RSF1: variants seen among roughly 807,000 people sequenced by gnomAD.
RSF1 encodes the protein remodeling and spacing factor 1, also known as HBV pX-associated protein 8.
A neutral mutation model predicts 145.2 loss-of-function variants in RSF1; 13 were observed. The observed-to-expected ratio is 0.09, with a 90% confidence interval of 0.06 to 0.14. The LOEUF is 0.14. RSF1 is among the 10% of genes least tolerant of loss of function. The pLI is 1.00. For synonymous variants in RSF1, 577 were observed against 592.6 expected (o/e 0.97, Z 0.38); for missense variants, 1,517 against 1,718.2 (o/e 0.88, Z 2.07).
chr11:77,745,922 G>T (rs1434273352), intron 3 of RSF1, among the ~76,000 whole-genome samples: 4 of 151,736 alleles, frequency 2.6e-5, no homozygotes, highest in Admixed American at 6.6e-5. Context: ...AACACACCCT[G>T]AAAAGTTATA....
the RSF1 span, among the ~76,000 whole-genome samples, chr11:77,832,400 C>T: frequency 6.7e-6 from 1 of 149,156 alleles, no homozygotes; most frequent in African/African-American, 2.5e-5. Context: ...GATCTCGGCT[C>T]GCTGCAACCT....
chr11:77,802,444 G>A (rs1948635250), intron 1 of RSF1, among the ~76,000 whole-genome samples: 1 of 152,190 alleles, frequency 6.6e-6, no homozygotes, highest in Admixed American at 6.5e-5. Flanking sequence ...CAGAGAAATG[G>A]AAAATTGCTT....
intron 1 of RSF1, 38 bp downstream of exon 1, chr11:77,820,490 G>A (rs1274757926): frequency 6.5e-7 from 1 of 1,540,862 alleles, no homozygotes; most frequent in Admixed American, 2.0e-5. Flanking sequence ...CAGAGCGCCA[G>A]GGCCGCTTCC....
intron 1 of RSF1, among the ~76,000 whole-genome samples, chr11:77,775,697 G>A (rs1049956394): frequency 6.6e-6 from 1 of 152,200 alleles, no homozygotes; most frequent in Non-Finnish European, 1.5e-5. Context: ...TGCTTTGGGA[G>A]GCTGAGGAAG....
At chr11:77,699,823 T>C (rs568067259) in intron 6 of RSF1, among the ~76,000 whole-genome samples, 1 of 152,268 alleles carries the variant, frequency 6.6e-6, no homozygotes, top group African/African-American at 2.4e-5. Flanking sequence ...CCTGTAATAG[T>C]GAAAAATTGG....
chr11:77,795,936 T>G (rs1948567834), intron 1 of RSF1, among the ~76,000 whole-genome samples: 1 of 152,130 alleles, frequency 6.6e-6, no homozygotes, highest in Admixed American at 6.5e-5. Flanking sequence ...TTTCCTGGTT[T>G]AGAGGTGTAT....
intron 1 of RSF1, among the ~76,000 whole-genome samples, chr11:77,792,564 T>A (rs1480477369): frequency 6.6e-6 from 1 of 151,990 alleles, no homozygotes; most frequent in Non-Finnish European, 1.5e-5. Context: ...CAGGAACACT[T>A]CACCACAGCC....
At position 77,741,995 on chromosome 11, in the gene RSF1, C is replaced by T. The variant is rs144694930; in HGVS notation, c.373-1059G>A. ...TAACATAATGACCTCCAGGTTCAAC[C>T]GTGTTGTCACGAAAGCAGGAATTTC... On this transcript the variant is annotated intron_variant, in intron 3 of 15. Transcript: ENST00000308488. 2.8e-3 allele frequency among the ~76,000 whole-genome samples: 420 copies of T among 152,290 alleles called. 1 individual carries two copies. Among genetic ancestry groups the T allele is most frequent in the Non-Finnish European group, 4.5e-3 (303 of 68,030 alleles).
the RSF1 span, among the ~76,000 whole-genome samples, chr11:77,835,637 G>A: frequency 6.6e-6 from 1 of 152,158 alleles, no homozygotes; most frequent in African/African-American, 2.4e-5. Flanking sequence ...CTAAAGTTGG[G>A]GCCAGGCGTG....
intron 2 of RSF1, among the ~76,000 whole-genome samples, chr11:77,758,875 T>A (rs1204589302): frequency 2.0e-5 from 3 of 152,244 alleles, no homozygotes; most frequent in African/African-American, 7.2e-5. Context: ...ATTTGCAATA[T>A]AACTTCTTCC....
intron 1 of RSF1, among the ~76,000 whole-genome samples, chr11:77,783,616 C>T (rs991658211): frequency 1.3e-5 from 2 of 152,036 alleles, no homozygotes; most frequent in Non-Finnish European, 2.9e-5. Context: ...CTGAGGCGGG[C>T]GGATTGCTTG....
At chr11:77,731,086 G>C (rs1279660624) in intron 4 of RSF1, among the ~76,000 whole-genome samples, 2 of 152,174 alleles carry the variant, frequency 1.3e-5, no homozygotes, top group Non-Finnish European at 2.9e-5. Context: ...GGAAAGTTTG[G>C]AACTTCCTAG....
rs1289259538 is a variant in RSF1, at chr11:77,711,664, C to T, written c.734-9169G>A. 6.1e-5 allele frequency among the ~76,000 whole-genome samples: 9 copies of T among 147,932 alleles called. No individual in the cohort carries two copies. In the Middle Eastern group the frequency reaches 0.014, roughly 224 times the overall value. On this transcript the variant is annotated intron_variant, in intron 5 of 15. Transcript: ENST00000308488. Reference sequence around the variant, plus strand: ...CAGCCCGGCAAGAAGAGCGAAAGTCCGTCTCAAAAACAAACAAACAAACAA... The same window carrying T: ...CAGCCCGGCAAGAAGAGCGAAAGTCTGTCTCAAAAACAAACAAACAAACAA...
At chr11:77,686,884 T>C (rs1183137122) in intron 9 of RSF1, among the ~76,000 whole-genome samples, 2 of 152,130 alleles carry the variant, frequency 1.3e-5, no homozygotes, top group Non-Finnish European at 2.9e-5. Flanking sequence ...TGGCATAAAG[T>C]AGGTACCCAA....
At chr11:77,847,409 T>C in the RSF1 span, among the ~76,000 whole-genome samples, 120 of 152,312 alleles carry the variant, frequency 7.9e-4, no homozygotes, top group African/African-American at 2.7e-3. Flanking sequence ...AGGCCCCACA[T>C]AGAAAGAGAG....
At chr11:77,668,990 A>G (rs1959448611) in intron 15 of RSF1, among the ~76,000 whole-genome samples, 1 of 152,114 alleles carries the variant, frequency 6.6e-6, no homozygotes, top group Non-Finnish European at 1.5e-5. Context: ...CTAGGCTTGG[A>G]TATCTCTAAA....
chr11:77,756,129 G>A (rs770353889), intron 2 of RSF1, among the ~76,000 whole-genome samples: 1 of 151,970 alleles, frequency 6.6e-6, no homozygotes, highest in South Asian at 2.1e-4. Flanking sequence ...AGTGCAAGGC[G>A]GGCAGATCAC....
chr11:77,752,637 C>G (rs566375529), intron 2 of RSF1, among the ~76,000 whole-genome samples: 1 of 152,222 alleles, frequency 6.6e-6, no homozygotes, highest in African/African-American at 2.4e-5. Flanking sequence ...GTATCTGAGT[C>G]CTTGATGTCC....
At chr11:77,713,678 T>TTA (rs1313864223) in intron 5 of RSF1, among the ~76,000 whole-genome samples, 1 of 152,216 alleles carries the variant, frequency 6.6e-6, no homozygotes, top group African/African-American at 2.4e-5. Context: ...TCTCAAATCC[T>TTA]TATATCCTAT....
Sources: gnomAD v4.1 joint callset for allele counts (sites outside exome capture counted in the v4.1 genomes callset) on GRCh38, gnomAD v4.1.1 for gene constraint, MANE v1.5 for transcripts, NCBI Gene and HGNC (gene_info 2026-07-23, HGNC 2026-07-21) for gene names.